Variants in C17orf58 observed in about 807,000 individuals in gnomAD.
The protein encoded by C17orf58 is chromosome 17 open reading frame 58.
A neutral mutation model predicts 7.4 loss-of-function variants in C17orf58; 5 were observed. The ratio of observed to expected loss-of-function variants is 0.67; its 90% CI spans 0.35 to 1.42. C17orf58 has a LOEUF of 1.42. Among genes scored for constraint, C17orf58 ranks in the 40% most tolerant of loss-of-function variants. The pLI is 0.04. For missense variants in C17orf58, 162 were observed against 174.2 expected (o/e 0.93, Z 0.40); for synonymous variants, 60 against 70.6 (o/e 0.85, Z 0.75).
rs1555699541 is a variant in C17orf58, at chr17:67,993,941, C to G, written c.120G>C (p.Pro40=). The G allele has an allele frequency of 5.1e-6, 2 of 395,164 alleles. No homozygotes were observed. The highest frequency in any genetic ancestry group is 8.9e-6 in the Non-Finnish European group (2 of 224,410). The allele number at this position is 395,164 out of a possible 1,614,324, so 24.5% of individuals were successfully genotyped here. The part of the protein sequence containing the change: ...HSRKPDSRGC[P]SAEETPGPRA... ...GGGGCCCCGGTGTCTCCTCCGCGCT[C>G]GGGCAGCCGCGGGAGTCCGGCTTTC... is the stretch of plus-strand genomic sequence containing the variant. Residue 40 remains proline, a synonymous_variant, in exon 2 of 4, where the codon CCG becomes CCC. Transcript: ENST00000580729. This position sits in a 1 kb window ranked among gnomAD's most constrained non-coding sequence, Gnocchi z 5.1.
intron 3 of C17orf58, chr17:67,992,769 A>C: frequency 8.5e-7 from 1 of 1,174,496 alleles, no homozygotes; most frequent in Non-Finnish European, 1.2e-6. Flanking sequence ...CCTTCTGGCA[A>C]TGGTGTTTGG....
Position 67,994,510 on chromosome 17 carries a change from G to GGATATATATATA in C17orf58, c.77-527_77-526insTATATATATATC, listed in dbSNP as rs1555699603. Among the ~76,000 whole-genome samples, 14 of 71,514 alleles carry GGATATATATATA rather than the reference G, an allele frequency of 2.0e-4. No homozygotes were observed. In the Admixed American group the frequency reaches 2.2e-3, roughly 11 times the overall value. The allele number at this position is 71,514 out of a possible 152,430, so 46.9% of individuals were successfully genotyped here. On this transcript the variant is annotated intron_variant, in intron 1 of 3. Coordinates refer to ENST00000580729, the MANE Select transcript of C17orf58 (RefSeq NM_001382359.1). Reference sequence around the variant, plus strand: ...TGCGTGTGCGTGTGTGTGTGTGTGTGTGTGTGTATATATATATATATATAT... The same window carrying GGATATATATATA: ...TGCGTGTGCGTGTGTGTGTGTGTGTGGATATATATATATGTGTGTATATATATATATATATAT...
rs1313348088 is a variant in C17orf58 at position 67,993,802 on chromosome 17, G to C, written c.259C>G (p.Gln87Glu). 1 of 253,250 alleles carries C rather than the reference G, an allele frequency of 3.9e-6. No individual in the cohort carries two copies. The highest frequency in any genetic ancestry group is 7.3e-6 in the Non-Finnish European group (1 of 137,902). The allele number at this position is 253,250 out of a possible 1,614,324, so 15.7% of individuals were successfully genotyped here. A position where few individuals can be genotyped will look rare whatever the true frequency, so the allele number is the denominator to read the frequency against. The change falls in exon 2 of 4, where the codon CAG becomes GAG. Residue 87 changes from glutamine to glutamate, a missense_variant. Around this residue, in one of 3 missense-constraint regions of C17orf58, gnomAD observed 93 missense variants for 90.4 expected, o/e 1.03. Coordinates refer to ENST00000580729, the MANE Select transcript of C17orf58 (RefSeq NM_001382359.1). The surrounding 1 kb of genome is among the most constrained non-coding windows in gnomAD (Gnocchi z 5.1). ...RRKPPPPADN[Q>E]ASFREAARAP... The stretch of plus-strand genomic sequence containing the variant: ...CGTGCGGCCTCCCGGAAGCTGGCCT[G>C]GTTGTCGGCCGGCGGTGGGGGCTTC...
At chr17:67,994,060 C>T (rs2070868598) in intron 1 of C17orf58, 76 bp from the exon 2 acceptor site, 2 of 369,962 alleles carry the variant, frequency 5.4e-6, no homozygotes, top group Non-Finnish European at 9.6e-6. Flanking sequence ...CGGGGAAAGC[C>T]GAGGAAGCCG....
At chr17:67,992,977 G>GT (rs1238538043) in intron 3 of C17orf58, 67 bp downstream of exon 3, 8 of 1,614,184 alleles carry the variant, frequency 5.0e-6, no homozygotes, top group Non-Finnish European at 6.8e-6. Context: ...AGCCCGGGCT[G>GT]TGGCACCCAC....
At chr17:67,994,407 T>G (rs1555699572) in intron 1 of C17orf58, among the ~76,000 whole-genome samples, 1 of 151,226 alleles carries the variant, frequency 6.6e-6, no homozygotes, top group African/African-American at 2.4e-5. Context: ...ACTCTAAGAC[T>G]AAACATGTCT....
At position 67,991,826 on chromosome 17, in the gene C17orf58, G is replaced by C; in HGVS notation, c.*87C>G. The C allele has an allele frequency of 8.9e-7, 1 of 1,117,338 alleles. No homozygotes were observed. Among genetic ancestry groups the C allele is most frequent in the Non-Finnish European group, 1.3e-6 (1 of 781,244 alleles). 69.2% of individuals were successfully genotyped at this position (1,117,338 alleles called of 1,614,324 possible). A position where few individuals can be genotyped will look rare whatever the true frequency, so the allele number is the denominator to read the frequency against. On this transcript the variant is annotated 3_prime_UTR_variant, in exon 4 of 4. Transcript: ENST00000580729. Reference sequence around the variant, plus strand: ...AGTAGCTGAGGGCTCTCTTCTGAAGGAGGACCCATTACATGAAGGTAGACC... The same window carrying C: ...AGTAGCTGAGGGCTCTCTTCTGAAGCAGGACCCATTACATGAAGGTAGACC...
intron 1 of C17orf58, among the ~76,000 whole-genome samples, chr17:67,994,512 G>GTA (rs1555699607): frequency 2.1e-4 from 18 of 85,568 alleles, no homozygotes; most frequent in African/African-American, 6.4e-4. Flanking sequence ...GTGTGTGTGT[G>GTA]TGTGTATATA....
chr17:67,993,390 G>GGCGGCGGGGCGGCGGC lies in C17orf58; in HGVS notation c.637+18_637+33dup. On this transcript the variant is annotated intron_variant, in intron 2 of 3. Transcript: ENST00000580729. The surrounding 1 kb of genome is among the most constrained non-coding windows in gnomAD (Gnocchi z 5.1). ...CTCCGGGGCTCGGAAAGGCTCGCGG[G>GGCGGCGGGGCGGCGGC]GCGGCGGGGCGGCGGCGCGGCGGCC... 3.5e-6 allele frequency: 2 copies of GGCGGCGGGGCGGCGGC among 579,472 alleles called. No homozygotes were observed. Among genetic ancestry groups the GGCGGCGGGGCGGCGGC allele is most frequent in the Non-Finnish European group, 6.1e-6 (2 of 329,782 alleles). The allele number at this position is 579,472 out of a possible 1,614,324, so 35.9% of individuals were successfully genotyped here.
chr17:67,994,557 C>A (rs2070876949), intron 1 of C17orf58, among the ~76,000 whole-genome samples: 1 of 106,010 alleles, frequency 9.4e-6, no homozygotes, highest in South Asian at 3.2e-4. Context: ...AAACATCCGC[C>A]TCTTTGCTAT....
In C17orf58 at chr17:67,993,579, A is replaced by AGCGCGGCGGC. The variant is rs1484585276; in HGVS notation, c.472_481dup (p.Leu161ArgfsTer34). 2 of 184,090 alleles carry AGCGCGGCGGC rather than the reference A, an allele frequency of 1.1e-5. No homozygotes were observed. The highest frequency in any genetic ancestry group is 5.0e-5 in the African/African-American group (2 of 39,836). 11.4% of individuals were successfully genotyped at this position (184,090 alleles called of 1,614,324 possible). On this transcript the variant is annotated frameshift_variant, in exon 2 of 4. Coordinates refer to ENST00000580729, the MANE Select transcript of C17orf58 (RefSeq NM_001382359.1). LOFTEE classifies it high-confidence loss of function. This position sits in a 1 kb window ranked among gnomAD's most constrained non-coding sequence, Gnocchi z 5.1. ...CGGCGCGGGCGCGGGTCCCGGGGCC[A>AGCGCGGCGGC]GCGCGGCGGCGCGCGGCCGGTTGGG...
chr17:67,994,537 A>ATATATATATAT (rs1555699628), intron 1 of C17orf58, among the ~76,000 whole-genome samples: 2 of 39,940 alleles, frequency 5.0e-5, no homozygotes, highest in Middle Eastern at 0.016. Flanking sequence ...TATATATATA[A>ATATATATATAT]AACATATATA....
rs1418969907 is a variant in C17orf58 at position 67,996,116 on chromosome 17, A to G, written c.76+7T>C. ...GCTCCCAGGGCCCCGCACTACACCAATCTTACTTTTTCTCTCCGCCACCGG... is the reference window on the plus strand; with the variant it reads ...GCTCCCAGGGCCCCGCACTACACCAGTCTTACTTTTTCTCTCCGCCACCGG... On this transcript the variant is annotated splice_region_variant and intron_variant, in intron 1 of 3. Coordinates refer to ENST00000580729, the MANE Select transcript of C17orf58 (RefSeq NM_001382359.1). 5.1e-6 allele frequency: 2 copies of G among 395,584 alleles called. No individual in the cohort carries two copies. Among genetic ancestry groups the G allele is most frequent in the East Asian group, 3.6e-5 (1 of 27,492 alleles). 24.5% of individuals were successfully genotyped at this position (395,584 alleles called of 1,614,324 possible).
chr17:67,995,914 T>C (rs1599120140), intron 1 of C17orf58, among the ~76,000 whole-genome samples: 1 of 152,360 alleles, frequency 6.6e-6, no homozygotes, highest in Non-Finnish European at 1.5e-5. Flanking sequence ...TTTCAGTAGC[T>C]AAATTGGCTT....
rs1426281165 is a variant in C17orf58 at position 67,996,384 on chromosome 17, C to G, written c.-186G>C. 2.6e-6 allele frequency: 1 copy of G among 384,268 alleles called. No individual in the cohort carries two copies. The highest frequency in any genetic ancestry group is 4.6e-6 in the Non-Finnish European group (1 of 217,706). The allele number at this position is 384,268 out of a possible 1,614,324, so 23.8% of individuals were successfully genotyped here. ...CGAGCCGCAGGGATTTCTCCCTCTT[C>G]CTTCCTAAGGAGGACGAGCACATGG... On this transcript the variant is annotated 5_prime_UTR_variant, in exon 1 of 4. Coordinates refer to ENST00000580729, the MANE Select transcript of C17orf58 (RefSeq NM_001382359.1).
At chr17:67,994,516 G>GTGTATATATATATATATA (rs1244199425) in intron 1 of C17orf58, among the ~76,000 whole-genome samples, 3 of 89,536 alleles carry the variant, frequency 3.4e-5, no homozygotes, top group African/African-American at 1.1e-4. Flanking sequence ...GTGTGTGTGT[G>GTGTATATATATATATATA]TATATATATA....
In C17orf58 at chr17:67,993,106, C is replaced by T. The variant is rs111513651; in HGVS notation, c.767G>A (p.Arg256Gln). The T allele has an allele frequency of 1.9e-6, 3 of 1,614,068 alleles. No homozygotes were observed. Among genetic ancestry groups the T allele is most frequent in the Non-Finnish European group, 2.5e-6 (3 of 1,179,976 alleles). ...LYLTPDGFFF[R>Q]VHMLALDSSS... ...GGAGTCCAGGGCTAACATGTGGACT[C>T]GGAAGAAGAAGCCGTCGGGGGTGAG... is the stretch of plus-strand genomic sequence containing the variant. The change falls in exon 3 of 4, where the codon CGA becomes CAA. Residue 256 changes from arginine (R) to glutamine (Q), a missense_variant. Coordinates refer to ENST00000580729, the MANE Select transcript of C17orf58 (RefSeq NM_001382359.1). The surrounding 1 kb of genome is among the most constrained non-coding windows in gnomAD (Gnocchi z 5.1).
chr17:67,991,808 G>T lies in C17orf58; in HGVS notation c.*105C>A. 1 of 890,222 alleles carries T rather than the reference G, an allele frequency of 1.1e-6. No homozygotes were observed. Among genetic ancestry groups the T allele is most frequent in the Non-Finnish European group, 1.7e-6 (1 of 585,452 alleles). 55.1% of individuals were successfully genotyped at this position (890,222 alleles called of 1,614,324 possible). ...TATGCAAGTCATTCACAGAGTAGCT[G>T]AGGGCTCTCTTCTGAAGGAGGACCC... On this transcript the variant is annotated 3_prime_UTR_variant, in exon 4 of 4. Coordinates refer to ENST00000580729, the MANE Select transcript of C17orf58 (RefSeq NM_001382359.1).
chr17:67,992,717 C>T (rs1555699379), intron 3 of C17orf58, among the ~76,000 whole-genome samples: 5 of 151,982 alleles, frequency 3.3e-5, no homozygotes, highest in African/African-American at 1.2e-4. Flanking sequence ...CCCACATACA[C>T]ACCCAAAAAA....
Sources: gnomAD v4.1 joint callset for allele counts (sites outside exome capture counted in the v4.1 genomes callset) on GRCh38, gnomAD v4.1.1 for gene constraint, gnomAD v4.1.1 regional missense constraint, Gnocchi (gnomAD v3.1) non-coding constraint, MANE v1.5 for transcripts, NCBI Gene and HGNC (gene_info 2026-07-23, HGNC 2026-07-21) for gene names.